The following RALGAPA2 variants were observed in gnomAD, a reference collection of about 807,000 sequenced individuals.
The protein encoded by RALGAPA2 is ral GTPase-activating protein subunit alpha-2.
RALGAPA2 carries 139 observed loss-of-function variants against 230.4 expected under a neutral mutation model. The observed-to-expected ratio is 0.60, with a 90% CI of 0.53 to 0.69. The LOEUF (loss-of-function observed/expected upper bound fraction) is 0.69. RALGAPA2 is among the 30% of genes least tolerant of loss of function. The pLI is 0.00. For missense variants in RALGAPA2, 2,163 were observed against 2,276.0 expected, an observed-to-expected ratio of 0.95 and a Z score of 1.01; for synonymous variants, 847 against 837.8, an observed-to-expected ratio of 1.01 and a Z score of -0.19.
chr20:20,562,770 A>G (rs1046916317), intron 23 of RALGAPA2, among the ~76,000 whole-genome samples: 15 of 152,170 alleles, frequency 9.9e-5, no homozygotes, highest in African/African-American at 3.1e-4. Flanking sequence ...ACATATTTTT[A>G]CTTTCCTCAT....
chr20:20,455,307 T>C (rs1464462059), intron 37 of RALGAPA2, among the ~76,000 whole-genome samples: 2 of 152,222 alleles, frequency 1.3e-5, no homozygotes, highest in Non-Finnish European at 2.9e-5. Flanking sequence ...AGCTCAAGTA[T>C]CGATCTGCTC....
chr20:20,693,252 A>G (rs930906054), intron 1 of RALGAPA2, among the ~76,000 whole-genome samples: 1 of 152,230 alleles, frequency 6.6e-6, no homozygotes, highest in Admixed American at 6.5e-5. Flanking sequence ...ATTTTTACTT[A>G]ACATTTTTGA....
At chr20:20,471,451 A>G (rs893602985) in intron 37 of RALGAPA2, 1 of 147,886 alleles carries the variant, frequency 6.8e-6, no homozygotes, top group Admixed American at 6.8e-5. Flanking sequence ...CCTTGGTCCA[A>G]CATACTTGAC....
intron 23 of RALGAPA2, among the ~76,000 whole-genome samples, chr20:20,562,420 A>G (rs1247469713): frequency 6.6e-6 from 1 of 152,228 alleles, no homozygotes; most frequent in African/African-American, 2.4e-5. Context: ...ACAGTTTACT[A>G]AGAACAAAAT....
At chr20:20,505,625 T>A (rs2062510685) in intron 33 of RALGAPA2, 91 bp from the exon 34 acceptor site, 4 of 1,143,610 alleles carry the variant, frequency 3.5e-6, no homozygotes, top group Non-Finnish European at 4.8e-6. Flanking sequence ...CTTCTACCAC[T>A]GAGCTTACAT....
intron 2 of RALGAPA2, among the ~76,000 whole-genome samples, chr20:20,678,096 A>T (rs1427502619): frequency 6.6e-6 from 1 of 152,162 alleles, no homozygotes; most frequent in African/African-American, 2.4e-5. Flanking sequence ...AGTGTAGGCA[A>T]TGAGAACAGG....
intron 1 of RALGAPA2, among the ~76,000 whole-genome samples, chr20:20,710,823 A>G (rs6047002): frequency 1 from 151,986 of 152,354 alleles, 75,813 homozygotes; most frequent in Middle Eastern, 1. Flanking sequence ...CAGAACAAAA[A>G]TTTAAACGCT....
In RALGAPA2 at chr20:20,571,942, C is replaced by T. The variant is rs6112939; in HGVS notation, c.2906G>A (p.Arg969Gln). The T allele has an allele frequency of 2.1e-5, 34 of 1,600,040 alleles. No homozygotes were observed. In the African/African-American group the frequency reaches 3.3e-4, roughly 16 times the overall value. Residue 969 changes from arginine (R) to glutamine (Q), a missense_variant, in exon 22 of 40, where the codon CGG (arginine) becomes CAG (glutamine). Arg to Gln is a conservative substitution (Grantham distance 43). Transcript: ENST00000202677. ...ATCCAGGCTTATTGCTAGATTATCC[C>T]GTATCTAATTCACAAAGAGGAGAAT... ...YELWYKLAKI[R>Q]DNLAISLDNQ...
intron 23 of RALGAPA2, among the ~76,000 whole-genome samples, chr20:20,554,561 C>T (rs534060917): frequency 6.6e-6 from 1 of 152,188 alleles, no homozygotes; most frequent in East Asian, 1.9e-4. Flanking sequence ...ATGTCTTTCA[C>T]CCATTTTTTA....
intron 24 of RALGAPA2, among the ~76,000 whole-genome samples, chr20:20,538,282 C>T (rs1205235083): frequency 6.6e-6 from 1 of 152,146 alleles, no homozygotes; most frequent in Non-Finnish European, 1.5e-5. Flanking sequence ...TGGTTCTGCT[C>T]AGGATGTTTA....
Position 20,620,475 on chromosome 20 carries a change from A to G in RALGAPA2, c.1389T>C (p.Thr463=). The G allele has an allele frequency of 6.2e-7, 1 of 1,613,344 alleles. No homozygotes were observed. The highest frequency in any genetic ancestry group is 8.5e-7 in the Non-Finnish European group (1 of 1,179,692). ...TGAAAAAAATTACCTCCTTGCTATC[A>G]GTCTCGGAAAATCCTAATTTTTCAG... ...EDAEKLGFSE[T]DSKEASSESS... is the part of the protein sequence containing the mutation. Residue 463 remains threonine, a synonymous_variant, in exon 11 of 40, where the codon ACT becomes ACC. Transcript: ENST00000202677.
intron 15 of RALGAPA2, among the ~76,000 whole-genome samples, chr20:20,603,326 G>A (rs2065719165): frequency 6.6e-6 from 1 of 152,070 alleles, no homozygotes; most frequent in Non-Finnish European, 1.5e-5. Context: ...TTAGTGCTTT[G>A]GCAAGCCATT....
intron 13 of RALGAPA2, among the ~76,000 whole-genome samples, chr20:20,614,388 CAGG>C (rs1324674047): frequency 1.3e-5 from 2 of 152,182 alleles, no homozygotes; most frequent in Admixed American, 6.5e-5. Flanking sequence ...ATACAAAACT[CAGG>C]GAGTTTTCAA....
At chr20:20,568,918 C>G (rs2064536262) in intron 23 of RALGAPA2, among the ~76,000 whole-genome samples, 1 of 152,196 alleles carries the variant, frequency 6.6e-6, no homozygotes, top group African/African-American at 2.4e-5. Flanking sequence ...ATAAGGTTCT[C>G]TCTGCATAAA....
intron 14 of RALGAPA2, among the ~76,000 whole-genome samples, chr20:20,607,896 C>A (rs1474066006): frequency 6.6e-6 from 1 of 152,172 alleles, no homozygotes; most frequent in African/African-American, 2.4e-5. Flanking sequence ...AACACGTGCA[C>A]AGAGCAAAAT....
chr20:20,476,222 G>A (rs371508285), intron 36 of RALGAPA2, among the ~76,000 whole-genome samples: 3 of 151,936 alleles, frequency 2.0e-5, no homozygotes, highest in South Asian at 2.1e-4. Context: ...TACATGTACC[G>A]AATACTTCTA....
At chr20:20,679,727 A>G (rs935903578) in intron 2 of RALGAPA2, among the ~76,000 whole-genome samples, 2 of 152,120 alleles carry the variant, frequency 1.3e-5, no homozygotes, top group Non-Finnish European at 2.9e-5. Context: ...CTGTCCTTCA[A>G]GGTCCATTCC....
chr20:20,570,258 A>G (rs1183179079), intron 23 of RALGAPA2, among the ~76,000 whole-genome samples: 2 of 152,318 alleles, frequency 1.3e-5, no homozygotes, highest in African/African-American at 4.8e-5. Context: ...TAAGAGTTCA[A>G]TGATTTTTAA....
intron 10 of RALGAPA2, among the ~76,000 whole-genome samples, chr20:20,625,872 G>A (rs2066475296): frequency 6.6e-6 from 1 of 152,156 alleles, no homozygotes; most frequent in African/African-American, 2.4e-5. Context: ...CAGCAGATGA[G>A]GGATACCCTG....
Sources: allele counts gnomAD v4.1 joint callset (sites outside exome capture counted in the v4.1 genomes callset), GRCh38; gene constraint gnomAD v4.1.1; transcripts MANE v1.5; gene names NCBI Gene and HGNC (gene_info 2026-07-23, HGNC 2026-07-21).